The following NTRK2 variants were observed in gnomAD, a reference collection of about 807,000 sequenced individuals.
NTRK2 encodes BDNF/NT-3 growth factors receptor.
A neutral mutation model predicts 94.5 loss-of-function variants in NTRK2; 13 were observed. That is an observed-to-expected ratio of 0.14 (90% CI 0.09 to 0.22). NTRK2 has a LOEUF of 0.22. Among genes scored for constraint, NTRK2 ranks in the 10% least tolerant of loss-of-function variants. NTRK2 has a pLI of 1.00. For synonymous variants in NTRK2, 372 were observed against 407.4 expected (o/e 0.91, Z 1.05); for missense variants, 639 against 1,071.2 (o/e 0.60, Z 5.63).
intron 17 of NTRK2, among the ~76,000 whole-genome samples, chr9:84,993,241 C>T (rs1829320099): frequency 6.6e-6 from 1 of 152,154 alleles, no homozygotes; most frequent in Non-Finnish European, 1.5e-5. Flanking sequence ...GCGTCAGTGA[C>T]CACTGCAAAG....
At chr9:84,719,338 A>G (rs2061910577) in intron 6 of NTRK2, among the ~76,000 whole-genome samples, 1 of 152,222 alleles carries the variant, frequency 6.6e-6, no homozygotes, top group Non-Finnish European at 1.5e-5. Flanking sequence ...AGGCAAGAAT[A>G]TCTGGTTCAG....
chr9:84,949,379 G>C (rs1223047105), intron 16 of NTRK2, among the ~76,000 whole-genome samples: 2 of 152,078 alleles, frequency 1.3e-5, no homozygotes, highest in Non-Finnish European at 2.9e-5. Context: ...GACTATAAAG[G>C]GAGTCACTGG....
At chr9:84,834,034 C>T (rs1000278652) in intron 12 of NTRK2, among the ~76,000 whole-genome samples, 2 of 152,108 alleles carry the variant, frequency 1.3e-5, no homozygotes, top group African/African-American at 4.8e-5. Flanking sequence ...ATCGCCATAG[C>T]CACTGTGTCT....
intron 12 of NTRK2, among the ~76,000 whole-genome samples, chr9:84,797,747 T>TATATTATATATACTATAATAA: frequency 4.2e-5 from 1 of 23,894 alleles, no homozygotes; most frequent in South Asian, 9.4e-4. Flanking sequence ...TACTATAATA[T>TATATTATATATACTATAATAA]ATATTATATA....
chr9:85,021,616 C>G lies in NTRK2; in HGVS notation c.*179C>G. On this transcript the variant is annotated 3_prime_UTR_variant, in exon 19 of 19. Transcript: ENST00000277120. ...GTGTGTACTTCTTCATCCATAGACACAGTATTGACTTCTTTTTGGCATTAT... is the reference window on the plus strand; with the variant it reads ...GTGTGTACTTCTTCATCCATAGACAGAGTATTGACTTCTTTTTGGCATTAT... The G allele has an allele frequency of 1.5e-6, 1 of 674,688 alleles. No individual in the cohort carries two copies. The highest frequency in any genetic ancestry group is 2.7e-6 in the Non-Finnish European group (1 of 370,624). 41.8% of individuals were successfully genotyped at this position (674,688 alleles called of 1,614,324 possible).
intron 5 of NTRK2, 86 bp downstream of exon 5, chr9:84,707,998 C>A: frequency 9.5e-7 from 1 of 1,049,824 alleles, no homozygotes; most frequent in Non-Finnish European, 1.5e-6. Context: ...AGTGATGTTG[C>A]AGATCTATTT....
At position 84,702,134 on chromosome 9, in the gene NTRK2, C is replaced by A. The variant is rs200633160; in HGVS notation, c.213-25C>A. 32 of 1,606,316 alleles carry A rather than the reference C, an allele frequency of 2.0e-5. No homozygotes were observed. The South Asian group carries it at 3.3e-4, about 17-fold the overall frequency. On this transcript the variant is annotated intron_variant, in intron 2 of 18. Coordinates refer to ENST00000277120, the MANE Select transcript of NTRK2 (RefSeq NM_006180.6). ...CTGCTGCCTACATTCTGAGTCACTG[C>A]GATTCACTCTCTGCTTTGTTACAGT... is the stretch of plus-strand genomic sequence containing the variant.
At chr9:84,784,293 A>G (rs1045505924) in intron 12 of NTRK2, among the ~76,000 whole-genome samples, 1 of 152,236 alleles carries the variant, frequency 6.6e-6, no homozygotes, top group Non-Finnish European at 1.5e-5. Context: ...TGATCAGATC[A>G]GCATATCCAT....
Position 85,022,435 on chromosome 9 carries a change from T to G in NTRK2, c.*998T>G, listed in dbSNP as rs2118050390. 1 of 233,236 alleles carries G rather than the reference T, an allele frequency of 4.3e-6. No homozygotes were observed. The highest frequency in any genetic ancestry group is 8.5e-6 in the Non-Finnish European group (1 of 118,030). 14.4% of individuals were successfully genotyped at this position (233,236 alleles called of 1,614,324 possible). A position where few individuals can be genotyped will look rare whatever the true frequency, so the allele number is the denominator to read the frequency against. On this transcript the variant is annotated 3_prime_UTR_variant, in exon 19 of 19. Coordinates refer to ENST00000277120, the MANE Select transcript of NTRK2 (RefSeq NM_006180.6). ...CGCTATCCACAGAACCTTTGTCAAC[T>G]TCAGTTGAAAAGAGGTGGATTCATG...
chr9:84,770,233 C>T (rs2066421764), intron 12 of NTRK2, among the ~76,000 whole-genome samples: 1 of 151,814 alleles, frequency 6.6e-6, no homozygotes. Flanking sequence ...AAGTGCCTTC[C>T]ACTCCCTTCC....
intron 12 of NTRK2, among the ~76,000 whole-genome samples, chr9:84,767,223 AT>A (rs1181103000): frequency 6.6e-6 from 1 of 152,192 alleles, no homozygotes; most frequent in African/African-American, 2.4e-5. Context: ...CTTAGTTGCT[AT>A]TGGGAGAAAA....
intron 12 of NTRK2, among the ~76,000 whole-genome samples, chr9:84,842,135 C>T (rs755358161): frequency 2.0e-5 from 3 of 152,208 alleles, no homozygotes; most frequent in Non-Finnish European, 4.4e-5. Flanking sequence ...GCCAGTCTTG[C>T]ATACCATTAC....
intron 17 of NTRK2, among the ~76,000 whole-genome samples, chr9:84,964,804 ACTCC>A (rs1403708551): frequency 6.6e-6 from 1 of 152,038 alleles, no homozygotes; most frequent in Non-Finnish European, 1.5e-5. Context: ...TTTGGTTGTT[ACTCC>A]ATCTTGCCTA....
chr9:84,814,365 G>A (rs199824950), intron 12 of NTRK2: 23 of 1,065,438 alleles, frequency 2.2e-5, no homozygotes, highest in Middle Eastern at 4.1e-4. Context: ...CGCCAGGTGC[G>A]AGAGAGAGCA....
rs1833010971 is a variant in NTRK2, at chr9:85,025,939, G to A, written c.*4502G>A. 4.3e-6 allele frequency: 1 copy of A among 232,730 alleles called. No homozygotes were observed. Among genetic ancestry groups the A allele is most frequent in the Non-Finnish European group, 8.5e-6 (1 of 117,860 alleles). 14.4% of individuals were successfully genotyped at this position (232,730 alleles called of 1,614,324 possible). A position where few individuals can be genotyped will look rare whatever the true frequency, so the allele number is the denominator to read the frequency against. On this transcript the variant is annotated 3_prime_UTR_variant, in exon 19 of 19. Transcript: ENST00000277120. ...GTGGGAGGGATTTATAGTTAGAAACGACAGTGCAGGAAGGGGTATTTTCTT... is the reference window on the plus strand; with the variant it reads ...GTGGGAGGGATTTATAGTTAGAAACAACAGTGCAGGAAGGGGTATTTTCTT...
intron 14 of NTRK2, among the ~76,000 whole-genome samples, chr9:84,926,165 C>CTTGCTTGCTTT (rs2077786173): frequency 4.1e-5 from 2 of 48,384 alleles, no homozygotes; most frequent in African/African-American, 1.4e-4. Context: ...TTCCTTCCTT[C>CTTGCTTGCTTT]CTTCCTTTCT....
At chr9:84,825,508 C>G (rs2073130598) in intron 12 of NTRK2, among the ~76,000 whole-genome samples, 1 of 152,128 alleles carries the variant, frequency 6.6e-6, no homozygotes, top group South Asian at 2.1e-4. Flanking sequence ...ATTGGGTGAC[C>G]TTGAACTTGG....
intron 4 of NTRK2, among the ~76,000 whole-genome samples, chr9:84,706,589 G>A (rs967018723): frequency 4.9e-5 from 7 of 142,982 alleles, no homozygotes; most frequent in African/African-American, 1.8e-4. Context: ...GAGTGCAGTG[G>A]CACAATCTCT....
intron 17 of NTRK2, among the ~76,000 whole-genome samples, chr9:84,994,838 A>T (rs953011408): frequency 6.6e-6 from 1 of 152,190 alleles, no homozygotes; most frequent in African/African-American, 2.4e-5. Context: ...CTGAACATTG[A>T]AGAGAACATG....
Sources: allele counts gnomAD v4.1 joint callset (sites outside exome capture counted in the v4.1 genomes callset), GRCh38; gene constraint gnomAD v4.1.1; transcripts MANE v1.5; gene names NCBI Gene and HGNC (gene_info 2026-07-23, HGNC 2026-07-21).